The following MACROD2 variants were observed in gnomAD, a reference collection of about 807,000 sequenced individuals.
MACROD2 encodes ADP-ribose glycohydrolase MACROD2.
Under a neutral mutation model 70.4 loss-of-function variants are expected in MACROD2, and 36 were observed. That is an observed-to-expected ratio of 0.51 (90% CI 0.39 to 0.68). MACROD2 has a LOEUF of 0.68. MACROD2 is among the 30% of genes least tolerant of loss of function. The pLI is 0.00. For synonymous variants in MACROD2, 172 were observed against 178.8 expected, an observed-to-expected ratio of 0.96 and a Z score of 0.30; for missense variants, 496 against 538.4, an observed-to-expected ratio of 0.92 and a Z score of 0.78.
At chr20:14,493,250 A>G (rs545164244) in intron 3 of MACROD2, among the ~76,000 whole-genome samples, 5 of 152,158 alleles carry the variant, frequency 3.3e-5, no homozygotes, top group African/African-American at 9.6e-5. Context: ...GAAATATATT[A>G]TAAAAATAGC....
intron 6 of MACROD2, among the ~76,000 whole-genome samples, chr20:15,350,557 T>C (rs2078216878): frequency 6.6e-6 from 1 of 152,310 alleles, no homozygotes; most frequent in South Asian, 2.1e-4. Flanking sequence ...GTTCTTGATG[T>C]CATATGGGAT....
intron 5 of MACROD2, among the ~76,000 whole-genome samples, chr20:14,719,307 C>T (rs2071435475): frequency 6.6e-6 from 1 of 151,672 alleles, no homozygotes; most frequent in African/African-American, 2.4e-5. Context: ...CAAATAAACT[C>T]TCTCCTACTT....
chr20:15,613,764 C>G (rs2049001387), intron 8 of MACROD2, among the ~76,000 whole-genome samples: 1 of 152,188 alleles, frequency 6.6e-6, no homozygotes, highest in Non-Finnish European at 1.5e-5. Flanking sequence ...TGCCTTCACA[C>G]AGTGGAACTT....
In MACROD2 at chr20:15,598,369, C is replaced by T. The variant is rs576906621; in HGVS notation, c.645+98522C>T. Among the ~76,000 whole-genome samples, 124 of 152,204 alleles carry T rather than the reference C, an allele frequency of 8.1e-4. 3 individuals carry two copies. In the South Asian group the frequency reaches 0.023, roughly 28 times the overall value. ...AGGGAAGAATGCCTTTCTCTAAACGCTTTTCTTCGGGGGATGATGGGAGAC... is the reference window on the plus strand; with the variant it reads ...AGGGAAGAATGCCTTTCTCTAAACGTTTTTCTTCGGGGGATGATGGGAGAC... On this transcript the variant is annotated intron_variant, in intron 8 of 17. Transcript: ENST00000684519.
At chr20:15,113,212 C>T (rs1322242505) in intron 5 of MACROD2, among the ~76,000 whole-genome samples, 1 of 152,068 alleles carries the variant, frequency 6.6e-6, no homozygotes, top group African/African-American at 2.4e-5. Flanking sequence ...TTTCCCAAAG[C>T]AGCAACACCT....
chr20:14,117,142 C>T (rs1480210464), intron 3 of MACROD2, among the ~76,000 whole-genome samples: 2 of 151,888 alleles, frequency 1.3e-5, no homozygotes, highest in African/African-American at 4.8e-5. Context: ...TATTCCCCCT[C>T]AACAATATTC....
intron 7 of MACROD2, among the ~76,000 whole-genome samples, chr20:15,473,147 A>G (rs977928758): frequency 2.0e-5 from 3 of 152,186 alleles, no homozygotes; most frequent in African/African-American, 4.8e-5. Context: ...TGAGCTTCAT[A>G]TTACTCATCC....
In MACROD2 at chr20:14,732,700, A is replaced by AT. The variant is rs1195008966; in HGVS notation, c.418+47750dup. On this transcript the variant is annotated intron_variant, in intron 5 of 17. Coordinates refer to ENST00000684519, the MANE Select transcript of MACROD2 (RefSeq NM_001351661.2). ...TCACTTTGGCTGAGCTCTGTGAAGAATTTTTTTTTCTTTTCCCCTGAAAAG... is the reference window on the plus strand; with the variant it reads ...TCACTTTGGCTGAGCTCTGTGAAGAATTTTTTTTTTCTTTTCCCCTGAAAAG... Among the ~76,000 whole-genome samples the AT allele has an allele frequency of 7.9e-5, 12 of 151,458 alleles. No homozygotes were observed. The East Asian group carries it at 1.2e-3, about 15-fold the overall frequency.
At chr20:14,106,710 T>C (rs891881971) in intron 3 of MACROD2, among the ~76,000 whole-genome samples, 8 of 152,094 alleles carry the variant, frequency 5.3e-5, no homozygotes, top group African/African-American at 1.9e-4. Context: ...ATACCCTCAG[T>C]TCCAGGTGGC....
chr20:14,780,895 A>G (rs1190401369), intron 5 of MACROD2, among the ~76,000 whole-genome samples: 1 of 152,142 alleles, frequency 6.6e-6, no homozygotes, highest in Non-Finnish European at 1.5e-5. Flanking sequence ...TTTACAAAGA[A>G]ACTTTTTTAG....
chr20:14,387,838 T>C (rs1006946902), intron 3 of MACROD2, among the ~76,000 whole-genome samples: 7 of 152,220 alleles, frequency 4.6e-5, no homozygotes, highest in African/African-American at 1.2e-4. Flanking sequence ...GAGTCTGAAA[T>C]ACTATAGTTT....
At chr20:14,009,981 T>TG (rs1253207271) in intron 2 of MACROD2, among the ~76,000 whole-genome samples, 1 of 152,008 alleles carries the variant, frequency 6.6e-6, no homozygotes, top group East Asian at 1.9e-4. Flanking sequence ...AAGGTAAGGA[T>TG]GGGAGGAGTG....
At chr20:15,183,431 T>C (rs1601189410) in intron 5 of MACROD2, among the ~76,000 whole-genome samples, 1 of 151,856 alleles carries the variant, frequency 6.6e-6, no homozygotes, top group Non-Finnish European at 1.5e-5. Context: ...CCCACCTACA[T>C]GGGAGGATTG....
intron 5 of MACROD2, among the ~76,000 whole-genome samples, chr20:14,938,940 A>ATTTTTTTTTTT (rs1230863391): frequency 2.7e-4 from 23 of 86,458 alleles, no homozygotes; most frequent in Non-Finnish European, 4.5e-4. Flanking sequence ...GTTAAATCAG[A>ATTTTTTTTTTT]TTTTTTTTTT....
chr20:14,821,209 T>C (rs1445583184), intron 5 of MACROD2, among the ~76,000 whole-genome samples: 5 of 152,228 alleles, frequency 3.3e-5, no homozygotes, highest in Non-Finnish European at 5.9e-5. Context: ...TGATGACTTC[T>C]TTTTTTCAGT....
At chr20:15,042,232 G>T (rs2075361583) in intron 5 of MACROD2, among the ~76,000 whole-genome samples, 1 of 152,076 alleles carries the variant, frequency 6.6e-6, no homozygotes, top group Non-Finnish European at 1.5e-5. Context: ...GACTGGAAAA[G>T]GGGAAAATGC....
intron 5 of MACROD2, among the ~76,000 whole-genome samples, chr20:14,955,075 AT>A (rs1226357381): frequency 4.1e-5 from 5 of 123,442 alleles, no homozygotes; most frequent in Non-Finnish European, 6.3e-5. Context: ...TATATTAAAT[AT>A]TTAATGTATT....
At chr20:15,021,262 CTGTG>C (rs1307960950) in intron 5 of MACROD2, among the ~76,000 whole-genome samples, 66 of 6,150 alleles carry the variant, frequency 0.011, no homozygotes, top group Non-Finnish European at 0.022. Context: ...ATACACACAC[CTGTG>C]TGTGTGTATA....
intron 3 of MACROD2, among the ~76,000 whole-genome samples, chr20:14,350,203 T>C (rs2083109643): frequency 6.6e-6 from 1 of 152,178 alleles, no homozygotes; most frequent in South Asian, 2.1e-4. Flanking sequence ...CGTGCAAATA[T>C]TTCTTCAGTA....
Sources: gnomAD v4.1 joint callset for allele counts (sites outside exome capture counted in the v4.1 genomes callset) on GRCh38, gnomAD v4.1.1 for gene constraint, MANE v1.5 for transcripts, NCBI Gene and HGNC (gene_info 2026-07-23, HGNC 2026-07-21) for gene names.